Variants in HEPACAM2 observed in about 807,000 individuals in gnomAD.
The protein encoded by HEPACAM2 is mitotic kinetics regulator.
Under a neutral mutation model 49.6 loss-of-function variants are expected in HEPACAM2, and 49 were observed. The ratio of observed to expected loss-of-function variants is 0.99; its 90% CI spans 0.78 to 1.25. The LOEUF (loss-of-function observed/expected upper bound fraction) is 1.25, where lower values mean the gene tolerates loss of function less well. Ranked by LOEUF, HEPACAM2 falls within the 50% of genes most tolerant of loss-of-function variation. The pLI is 0.00. For synonymous variants in HEPACAM2, 197 were observed against 202.9 expected (o/e 0.97, Z 0.25); for missense variants, 525 against 557.2 (o/e 0.94, Z 0.58).
At chr7:93,211,629 A>G (rs556849039) in intron 3 of HEPACAM2, among the ~76,000 whole-genome samples, 86 of 152,122 alleles carry the variant, frequency 5.7e-4, no homozygotes, top group Non-Finnish European at 8.8e-4. Flanking sequence ...TATGGCTATT[A>G]TCTCAGGCCC....
chr7:93,197,600 C>T lies in HEPACAM2; in HGVS notation c.1023G>A (p.Lys341=). The T allele has an allele frequency of 1.9e-6, 3 of 1,583,818 alleles. No homozygotes were observed. Among genetic ancestry groups the T allele is most frequent in the South Asian group, 1.2e-5 (1 of 86,620 alleles). ...TVIITSVGLE[K]LAQKGKSLSP... Reference sequence around the variant, plus strand: ...ACAATGATTTTCCTTTCTGTGCAAGCTTCTCCAGTCCTAAATAAAAAGATA... The same window carrying T: ...ACAATGATTTTCCTTTCTGTGCAAGTTTCTCCAGTCCTAAATAAAAAGATA... Residue 341 remains lysine (K), a synonymous_variant, in exon 5 of 10, where the codon AAG becomes AAA. Transcript: ENST00000394468.
At chr7:93,199,723 T>A (rs949895034) in intron 4 of HEPACAM2, among the ~76,000 whole-genome samples, 7 of 152,058 alleles carry the variant, frequency 4.6e-5, no homozygotes, top group African/African-American at 1.7e-4. Context: ...AAATTGCACA[T>A]ATATATGTTA....
chr7:93,218,674 C>A (rs1257086731), intron 2 of HEPACAM2, among the ~76,000 whole-genome samples: 3 of 152,084 alleles, frequency 2.0e-5, no homozygotes, highest in Admixed American at 2.0e-4. Flanking sequence ...TGTCCATTGT[C>A]CTTAAGTACC....
At chr7:93,196,259 C>G (rs773070859) in intron 7 of HEPACAM2, among the ~76,000 whole-genome samples, 1 of 152,048 alleles carries the variant, frequency 6.6e-6, no homozygotes, top group Non-Finnish European at 1.5e-5. Context: ...TTGATCCACC[C>G]GTAATATCTA....
At chr7:93,223,530 TG>T (rs945993231) in intron 1 of HEPACAM2, among the ~76,000 whole-genome samples, 1 of 152,168 alleles carries the variant, frequency 6.6e-6, no homozygotes, top group Non-Finnish European at 1.5e-5. Flanking sequence ...AAATTAGTTT[TG>T]GGGTCTATTT....
At chr7:93,220,090 A>G (rs1459891319) in intron 1 of HEPACAM2, among the ~76,000 whole-genome samples, 14 of 152,196 alleles carry the variant, frequency 9.2e-5, no homozygotes, top group Admixed American at 8.5e-4. Flanking sequence ...GAGGAGCATG[A>G]TAAGATATGA....
intron 9 of HEPACAM2, among the ~76,000 whole-genome samples, chr7:93,190,180 TAAAG>T (rs992044411): frequency 6.6e-6 from 1 of 151,948 alleles, no homozygotes; most frequent in African/African-American, 2.4e-5. Context: ...TAGTTTCTGA[TAAAG>T]AAAAAGGAAG....
chr7:93,200,771 T>C (rs375802031), intron 4 of HEPACAM2, among the ~76,000 whole-genome samples: 1 of 152,178 alleles, frequency 6.6e-6, no homozygotes, highest in Admixed American at 6.6e-5. Context: ...ATGATTATCC[T>C]AGTCTTTATA....
chr7:93,219,084 A>G lies in HEPACAM2; in HGVS notation c.430+17T>C. 6.2e-7 allele frequency: 1 copy of G among 1,607,370 alleles called. No individual in the cohort carries two copies. ...CCATGCTAGACTGCTGCCCTCGTAC[A>G]CTCACAGGGGACTCACCATCAACCG... is the stretch of plus-strand genomic sequence containing the variant. On this transcript the variant is annotated intron_variant, in intron 2 of 9. Transcript: ENST00000394468.
At position 93,197,241 on chromosome 7, in the gene HEPACAM2, C is replaced by T; in HGVS notation, c.1201G>A (p.Gly401Ser). Residue 401 changes from glycine (G) to serine (S), a missense_variant and splice_region_variant, in exon 7 of 10, where the codon GGC (glycine) becomes AGC (serine). By Grantham distance (56) the Gly-to-Ser change is moderately conservative. Coordinates refer to ENST00000394468, the MANE Select transcript of HEPACAM2 (RefSeq NM_001039372.4). ...TEYRKAQTFS[G>S]HEDALDDFGI... Reference sequence around the variant, plus strand: ...TAGCCCTTTTCAGCTTGGCCATTACCTGAAAATGTTTGAGCTTTCCTGTAT... The same window carrying T: ...TAGCCCTTTTCAGCTTGGCCATTACTTGAAAATGTTTGAGCTTTCCTGTAT... 3.7e-6 allele frequency: 6 copies of T among 1,609,046 alleles called. No individual in the cohort carries two copies. Among genetic ancestry groups the T allele is most frequent in the Non-Finnish European group, 5.1e-6 (6 of 1,177,572 alleles).
intron 3 of HEPACAM2, 92 bp downstream of exon 3, chr7:93,215,309 C>T: frequency 8.3e-7 from 1 of 1,201,776 alleles, no homozygotes; most frequent in Admixed American, 2.1e-5. Flanking sequence ...AGCCAAATGA[C>T]ATCTGGTACT....
intron 4 of HEPACAM2, among the ~76,000 whole-genome samples, chr7:93,200,272 G>T (rs532133534): frequency 2.6e-5 from 4 of 152,032 alleles, no homozygotes; most frequent in Non-Finnish European, 5.9e-5. Context: ...TTGTCTTGAA[G>T]AATTTATCTA....
intron 9 of HEPACAM2, among the ~76,000 whole-genome samples, chr7:93,191,145 T>C (rs894162192): frequency 1.1e-4 from 16 of 152,048 alleles, no homozygotes; most frequent in African/African-American, 3.9e-4. Flanking sequence ...GTTTTTATTC[T>C]TAAAATATCA....
chr7:93,225,375 A>C (rs1005553206), intron 1 of HEPACAM2, among the ~76,000 whole-genome samples: 11 of 152,140 alleles, frequency 7.2e-5, no homozygotes, highest in Non-Finnish European at 1.6e-4. Flanking sequence ...AGACTTAAAA[A>C]AATTTACAAA....
chr7:93,195,630 T>A (rs960610933), intron 8 of HEPACAM2, among the ~76,000 whole-genome samples, 198 bp downstream of exon 8: 1 of 152,192 alleles, frequency 6.6e-6, no homozygotes, highest in Non-Finnish European at 1.5e-5. Flanking sequence ...TTAGCTTTAC[T>A]TATAAAGGCG....
chr7:93,197,140 G>T, intron 7 of HEPACAM2, 101 bp downstream of exon 7: 3 of 771,016 alleles, frequency 3.9e-6, no homozygotes, highest in Non-Finnish European at 5.4e-6. Flanking sequence ...ATTAATTTTA[G>T]CTCATATTAA....
intron 9 of HEPACAM2, among the ~76,000 whole-genome samples, chr7:93,190,420 A>G (rs1242576669): frequency 6.6e-6 from 1 of 151,954 alleles, no homozygotes; most frequent in Non-Finnish European, 1.5e-5. Context: ...ATGAAGGTAA[A>G]AGAAGAGAGA....
chr7:93,220,437 G>T (rs1311747515), intron 1 of HEPACAM2, among the ~76,000 whole-genome samples: 2 of 152,188 alleles, frequency 1.3e-5, no homozygotes, highest in African/African-American at 2.4e-5. Context: ...AAACAAAGAG[G>T]ATGCCAAGCT....
intron 1 of HEPACAM2, among the ~76,000 whole-genome samples, chr7:93,220,421 T>C (rs1226358679): frequency 2.6e-5 from 4 of 152,114 alleles, no homozygotes; most frequent in African/African-American, 7.2e-5. Context: ...ACTTTGAGGG[T>C]GTCAGAAACA....
Sources: allele counts gnomAD v4.1 joint callset (sites outside exome capture counted in the v4.1 genomes callset), GRCh38; gene constraint gnomAD v4.1.1; transcripts MANE v1.5; gene names NCBI Gene and HGNC (gene_info 2026-07-23, HGNC 2026-07-21).